The following COL5A2 variants were observed in gnomAD, a reference collection of about 807,000 sequenced individuals.
COL5A2 encodes collagen type V alpha 2 chain, also known as collagen alpha-2(V) chain.
A neutral mutation model predicts 208.2 loss-of-function variants in COL5A2; 23 were observed. That is an observed-to-expected ratio of 0.11 (90% CI 0.08 to 0.16). COL5A2 has a LOEUF of 0.16. COL5A2 is among the 10% of genes least tolerant of loss of function. COL5A2 has a pLI of 1.00. For synonymous variants in COL5A2, 625 were observed against 628.5 expected (o/e 0.99, Z 0.08); for missense variants, 1,590 against 1,956.4 (o/e 0.81, Z 3.53).
chr2:189,069,026 A>G, intron 18 of COL5A2, 142 bp from the exon 19 acceptor site: 1 of 696,832 alleles, frequency 1.4e-6, no homozygotes, highest in Non-Finnish European at 2.6e-6. Flanking sequence ...TGCGTGCCCA[A>G]CCAAGCTTAA....
intron 1 of COL5A2, among the ~76,000 whole-genome samples, chr2:189,139,924 T>C (rs931486015): frequency 3.3e-5 from 5 of 151,904 alleles, no homozygotes; most frequent in African/African-American, 1.2e-4. Context: ...AATACAAAAA[T>C]TAGCTGGGCA....
intron 1 of COL5A2, among the ~76,000 whole-genome samples, chr2:189,189,865 A>G (rs1688901347): frequency 6.6e-6 from 1 of 152,220 alleles, no homozygotes; most frequent in African/African-American, 2.4e-5. Flanking sequence ...TGTCCTAAAC[A>G]TCACAAGGAC....
At chr2:189,135,063 A>T (rs1687801601) in intron 1 of COL5A2, among the ~76,000 whole-genome samples, 1 of 152,182 alleles carries the variant, frequency 6.6e-6, no homozygotes, top group African/African-American at 2.4e-5. Flanking sequence ...ATATGTAATA[A>T]ATCTTCAATT....
intron 1 of COL5A2, among the ~76,000 whole-genome samples, chr2:189,197,575 A>T (rs531540434): frequency 6.6e-6 from 1 of 152,304 alleles, no homozygotes; most frequent in Admixed American, 6.5e-5. Flanking sequence ...TTGTTGTGGC[A>T]AGGAAGGATT....
chr2:189,181,002 A>G (rs1300806747), upstream of COL5A2, among the ~76,000 whole-genome samples: 1 of 152,220 alleles, frequency 6.6e-6, no homozygotes, highest in Non-Finnish European at 1.5e-5. Context: ...AGGATGACAT[A>G]AAAGAAATAA....
chr2:189,187,465 T>C (rs1274122254), intron 1 of COL5A2, among the ~76,000 whole-genome samples: 1 of 152,144 alleles, frequency 6.6e-6, no homozygotes, highest in African/African-American at 2.4e-5. Context: ...ACATCACGTC[T>C]TTTCTGCTTT....
chr2:189,307,540 A>G, the COL5A2 span, among the ~76,000 whole-genome samples: 1 of 152,178 alleles, frequency 6.6e-6, no homozygotes, highest in African/African-American at 2.4e-5. Context: ...GTGCTATAAC[A>G]AACAATATCT....
chr2:189,266,665 G>GA, the COL5A2 span, among the ~76,000 whole-genome samples: 238 of 152,186 alleles, frequency 1.6e-3, no homozygotes, highest in African/African-American at 5.3e-3. Context: ...GTGTTTTGGG[G>GA]ATGGGGTGAT....
intron 1 of COL5A2, among the ~76,000 whole-genome samples, chr2:189,222,654 G>C (rs189610287): frequency 2.6e-5 from 4 of 152,244 alleles, no homozygotes; most frequent in Non-Finnish European, 5.9e-5. Flanking sequence ...AGAGAAACTA[G>C]GCTGGGCACT....
At chr2:189,335,329 T>C in the COL5A2 span, among the ~76,000 whole-genome samples, 3 of 152,048 alleles carry the variant, frequency 2.0e-5, no homozygotes, top group African/African-American at 7.2e-5. Context: ...GGCAAAGATA[T>C]TGAGAAATTG....
the COL5A2 span, among the ~76,000 whole-genome samples, chr2:189,235,903 T>C: frequency 6.6e-6 from 1 of 151,578 alleles, no homozygotes; most frequent in East Asian, 1.9e-4. Flanking sequence ...AAATGGTTTG[T>C]AGAAACAATG....
chr2:189,331,707 A>T, the COL5A2 span, among the ~76,000 whole-genome samples: 1 of 152,162 alleles, frequency 6.6e-6, no homozygotes, highest in African/African-American at 2.4e-5. Context: ...CAGCAGCATA[A>T]AAACAAACTA....
chr2:189,201,494 C>G (rs1267263586), intron 1 of COL5A2, among the ~76,000 whole-genome samples: 1 of 151,418 alleles, frequency 6.6e-6, no homozygotes, highest in Non-Finnish European at 1.5e-5. Flanking sequence ...ACGGTACTAA[C>G]AAATATCTAA....
At chr2:189,360,850 ATAAG>A in the COL5A2 span, among the ~76,000 whole-genome samples, 1 of 151,724 alleles carries the variant, frequency 6.6e-6, no homozygotes, top group Non-Finnish European at 1.5e-5. Context: ...GCTAATACTT[ATAAG>A]TGAGAACATG....
At chr2:189,239,536 G>A in the COL5A2 span, among the ~76,000 whole-genome samples, 10 of 145,790 alleles carry the variant, frequency 6.9e-5, no homozygotes, top group East Asian at 4.1e-4. Flanking sequence ...ACCAAACACC[G>A]CATATTCTCA....
At position 189,191,522 on chromosome 2, in the gene COL5A2, T is replaced by A. The variant is rs550073950; in HGVS notation, c.-42+33626A>T. Among the ~76,000 whole-genome samples, 21 of 152,114 alleles carry A rather than the reference T, an allele frequency of 1.4e-4. No homozygotes were observed. In the South Asian group the frequency reaches 3.3e-3, roughly 24 times the overall value. ...CAGGGATGGTGGGGGGCACCAGTAG[T>A]CCCAGCTACTTGGGAGGCTGAGGCA... On this transcript the variant is annotated intron_variant, in intron 1 of 10. Coordinates refer to the COL5A2 transcript ENST00000649966.
At chr2:189,320,425 T>C in the COL5A2 span, among the ~76,000 whole-genome samples, 2 of 152,102 alleles carry the variant, frequency 1.3e-5, no homozygotes, top group Non-Finnish European at 2.9e-5. Context: ...TGAAAAAAGA[T>C]TACACGAATG....
chr2:189,415,295 T>C, the COL5A2 span, among the ~76,000 whole-genome samples: 1 of 152,232 alleles, frequency 6.6e-6, no homozygotes, highest in Non-Finnish European at 1.5e-5. Context: ...TTAATTTTGC[T>C]TTCCTCAATA....
At chr2:189,334,550 T>G in the COL5A2 span, among the ~76,000 whole-genome samples, 1 of 151,914 alleles carries the variant, frequency 6.6e-6, no homozygotes, top group African/African-American at 2.4e-5. Context: ...AGATCTTTAT[T>G]AAAAAAATAA....
Sources: allele counts gnomAD v4.1 joint callset (sites outside exome capture counted in the v4.1 genomes callset), GRCh38; gene constraint gnomAD v4.1.1; transcripts MANE v1.5; gene names NCBI Gene and HGNC (gene_info 2026-07-23, HGNC 2026-07-21).